The following FABP12 variants were observed in gnomAD, a reference collection of about 807,000 sequenced individuals.
The protein encoded by FABP12 is fatty acid binding protein 12.
In FABP12, 19 loss-of-function variants were observed where a neutral mutation model predicts 13.7. The ratio of observed to expected loss-of-function variants is 1.39; its 90% CI spans 0.97 to 2.04. The LOEUF is 2.04. Among genes scored for constraint, FABP12 ranks in the 30% most tolerant of loss-of-function variants. The probability of loss-of-function intolerance (pLI) is 0.00; values close to 1 mark genes in which losing one functional copy is unlikely to be tolerated. For synonymous variants in FABP12, 61 were observed against 57.0 expected (o/e 1.07, Z -0.32); for missense variants, 182 against 164.2 (o/e 1.11, Z -0.59).
intron 4 of FABP12, chr8:81,526,340 A>G (rs559103677): frequency 6.6e-6 from 1 of 152,314 alleles, no homozygotes; most frequent in East Asian, 1.9e-4. Context: ...GGGGAAGGTG[A>G]CCTGGGAAAC....
At chr8:81,581,250 A>T (rs1810156613) in intron 1 of FABP12, among the ~76,000 whole-genome samples, 1 of 152,238 alleles carries the variant, frequency 6.6e-6, no homozygotes, top group African/African-American at 2.4e-5. Flanking sequence ...ATGCTACCCA[A>T]TCACAAGGCT....
intron 1 of FABP12, among the ~76,000 whole-genome samples, chr8:81,551,060 A>G (rs1356346828): frequency 6.6e-6 from 1 of 152,204 alleles, no homozygotes; most frequent in Non-Finnish European, 1.5e-5. Flanking sequence ...ACTCTCTGCT[A>G]TAATAACATT....
intron 1 of FABP12, among the ~76,000 whole-genome samples, chr8:81,571,100 G>A (rs769600386): frequency 6.6e-6 from 1 of 152,188 alleles, no homozygotes; most frequent in Non-Finnish European, 1.5e-5. Flanking sequence ...CCAAGGTCTG[G>A]AGGAGGCCAA....
chr8:81,527,956 A>G (rs1232724216), intron 3 of FABP12, among the ~76,000 whole-genome samples: 1 of 152,062 alleles, frequency 6.6e-6, no homozygotes, highest in Non-Finnish European at 1.5e-5. Context: ...CCCTGTCTCA[A>G]TAAAGAATAA....
chr8:81,570,992 C>T (rs1360563589), intron 1 of FABP12, among the ~76,000 whole-genome samples: 1 of 152,108 alleles, frequency 6.6e-6, no homozygotes, highest in Non-Finnish European at 1.5e-5. Flanking sequence ...CCGTCCATGG[C>T]ACCCAGGCTG....
intron 1 of FABP12, among the ~76,000 whole-genome samples, chr8:81,563,265 G>T (rs1468942350): frequency 6.6e-6 from 1 of 152,218 alleles, no homozygotes; most frequent in African/African-American, 2.4e-5. Context: ...CAAACACTTA[G>T]ATCACAGCAT....
At position 81,573,302 on chromosome 8, in the gene FABP12, G is replaced by A. The variant is rs188440359; in HGVS notation, c.-185+16751C>T. On this transcript the variant is annotated intron_variant, in intron 1 of 5. Transcript: ENST00000692030. ...CTGTGTTCTCTATTCTGTTCCATTG[G>A]TCTATGTGCCTATTTTTATACTAGT... is the stretch of plus-strand genomic sequence containing the variant. Among the ~76,000 whole-genome samples, 41 of 152,240 alleles carry A rather than the reference G, an allele frequency of 2.7e-4. No homozygotes were observed. In the East Asian group the frequency reaches 7.7e-3, roughly 29 times the overall value.
At chr8:81,535,681 C>T (rs1271358490), upstream of FABP12, among the ~76,000 whole-genome samples, 1 of 152,182 alleles carries the variant, frequency 6.6e-6, no homozygotes, top group African/African-American at 2.4e-5. Flanking sequence ...TTTCCTCTTT[C>T]CTCATTGCAT....
At chr8:81,539,602 C>T (rs1318507276) in intron 2 of FABP12, among the ~76,000 whole-genome samples, 1 of 152,078 alleles carries the variant, frequency 6.6e-6, no homozygotes, top group Non-Finnish European at 1.5e-5. Flanking sequence ...AAACAGCATG[C>T]TATGCGATGC....
At chr8:81,531,342 G>A (rs372088424) in exon 2 of FABP12, 6 of 1,530,244 alleles carry the variant, frequency 3.9e-6, no homozygotes, top group Non-Finnish European at 5.4e-6. Flanking sequence ...TGATCTCAAA[G>A]AACAGTAGTT....
At chr8:81,578,803 A>T (rs73277248) in intron 1 of FABP12, among the ~76,000 whole-genome samples, 1,559 of 135,364 alleles carry the variant, frequency 0.012, 38 homozygotes, top group African/African-American at 0.041. Flanking sequence ...TCCAATACAG[A>T]ATCTGACACA....
chr8:81,556,591 C>T (rs1809620388), intron 1 of FABP12, among the ~76,000 whole-genome samples: 1 of 151,346 alleles, frequency 6.6e-6, no homozygotes, highest in Non-Finnish European at 1.5e-5. Flanking sequence ...TCATTTTCTT[C>T]AAAAGAATAA....
chr8:81,541,428 A>G (rs1389195807), intron 1 of FABP12, among the ~76,000 whole-genome samples: 1 of 152,136 alleles, frequency 6.6e-6, no homozygotes, highest in Non-Finnish European at 1.5e-5. Flanking sequence ...GACCTGAAAT[A>G]CATATCAGTT....
intron 1 of FABP12, among the ~76,000 whole-genome samples, chr8:81,554,928 C>T (rs1809584467): frequency 6.6e-6 from 1 of 152,144 alleles, no homozygotes; most frequent in Non-Finnish European, 1.5e-5. Context: ...GTTGAACAAG[C>T]TTGATCTAAG....
chr8:81,536,677 A>C (rs1809230214), upstream of FABP12, among the ~76,000 whole-genome samples: 1 of 152,236 alleles, frequency 6.6e-6, no homozygotes, highest in African/African-American at 2.4e-5. Context: ...CTGAAACTAC[A>C]CTGAATTCCT....
intron 4 of FABP12, chr8:81,526,478 A>G (rs1243638624): frequency 6.6e-6 from 1 of 152,256 alleles, no homozygotes. Context: ...TCTGAATTTC[A>G]GTTTCCTCAC....
intron 4 of FABP12, chr8:81,526,141 T>C (rs1316066282): frequency 6.6e-6 from 1 of 152,218 alleles, no homozygotes; most frequent in Non-Finnish European, 1.5e-5. Context: ...GTACTCTTCA[T>C]TGTAGAAAGA....
intron 1 of FABP12, among the ~76,000 whole-genome samples, chr8:81,575,221 T>C (rs898706533): frequency 4.6e-5 from 7 of 152,228 alleles, no homozygotes; most frequent in African/African-American, 1.4e-4. Flanking sequence ...CCCATGCTCA[T>C]TCAAGAGCAG....
At chr8:81,544,280 G>A (rs1809400276) in intron 1 of FABP12, among the ~76,000 whole-genome samples, 1 of 152,182 alleles carries the variant, frequency 6.6e-6, no homozygotes, top group Non-Finnish European at 1.5e-5. Flanking sequence ...ACGTTCTGGA[G>A]GGTAGAAGTC....
Sources: allele counts gnomAD v4.1 joint callset (sites outside exome capture counted in the v4.1 genomes callset), GRCh38; gene constraint gnomAD v4.1.1; transcripts MANE v1.5; gene names NCBI Gene and HGNC (gene_info 2026-07-23, HGNC 2026-07-21).